Variants in IL17RD observed in about 807,000 individuals in gnomAD.
The protein encoded by IL17RD is interleukin 17 receptor D, also known as interleukin-17 receptor D.
Under a neutral mutation model 80.5 loss-of-function variants are expected in IL17RD, and 52 were observed. The observed-to-expected ratio is 0.65, with a 90% confidence interval of 0.52 to 0.81. IL17RD has a LOEUF of 0.81. Ranked by LOEUF, IL17RD falls within the 40% of genes least tolerant of loss-of-function variation. The pLI is 0.00. For synonymous variants in IL17RD, 416 were observed against 391.8 expected, an observed-to-expected ratio of 1.06 and a Z score of -0.73; for missense variants, 1,024 against 955.1, an observed-to-expected ratio of 1.07 and a Z score of -0.95.
At chr3:57,161,897 T>C (rs531650423) in intron 1 of IL17RD, among the ~76,000 whole-genome samples, 5 of 152,388 alleles carry the variant, frequency 3.3e-5, no homozygotes, top group Admixed American at 2.6e-4. Flanking sequence ...ACAGTATTTA[T>C]TACTCAAAGA....
chr3:57,151,892 C>T (rs1356414986), intron 1 of IL17RD, among the ~76,000 whole-genome samples: 2 of 152,092 alleles, frequency 1.3e-5, no homozygotes, highest in Non-Finnish European at 2.9e-5. Flanking sequence ...AAGAAATCCC[C>T]CAAATTCCCC....
chr3:57,134,641 C>T, intron 1 of IL17RD: 8 of 776,974 alleles, frequency 1.0e-5, no homozygotes, highest in Non-Finnish European at 1.9e-5. Flanking sequence ...ACCAAGGAAG[C>T]ACGCAAGCAC....
At chr3:57,120,774 T>C (rs543278631) in intron 1 of IL17RD, among the ~76,000 whole-genome samples, 1 of 152,340 alleles carries the variant, frequency 6.6e-6, no homozygotes, top group East Asian at 1.9e-4. Context: ...TGGTTTCTCA[T>C]TTCAAGACTG....
intron 1 of IL17RD, among the ~76,000 whole-genome samples, chr3:57,140,085 C>G (rs1340374688): frequency 1.3e-5 from 2 of 152,122 alleles, no homozygotes; most frequent in Admixed American, 1.3e-4. Flanking sequence ...GATACCGAGC[C>G]GGGCACCTTA....
intron 1 of IL17RD, among the ~76,000 whole-genome samples, chr3:57,163,377 AGAG>A (rs1233893588): frequency 1.3e-5 from 2 of 152,202 alleles, no homozygotes; most frequent in South Asian, 2.1e-4. Flanking sequence ...CAGGTTTGGG[AGAG>A]GAGAACACAC....
rs766646872 is a variant in IL17RD, at chr3:57,146,045, G to GCGCACACACA, written c.126+19115_126+19116insTGTGTGTGCG. Among the ~76,000 whole-genome samples the GCGCACACACA allele has an allele frequency of 2.0e-5, 3 of 151,246 alleles. No individual in the cohort carries two copies. The East Asian group carries it at 5.9e-4, about 30-fold the overall frequency. Reference sequence around the variant, plus strand: ...CACACACACTCACGCGCGCGCGCGCGCACACACACACACACTGATGCATGC... The same window carrying GCGCACACACA: ...CACACACACTCACGCGCGCGCGCGCGCGCACACACACACACACACACACACTGATGCATGC... On this transcript the variant is annotated intron_variant, in intron 1 of 12. Transcript: ENST00000296318.
intron 11 of IL17RD, among the ~76,000 whole-genome samples, chr3:57,100,181 T>C (rs1021232871): frequency 2.6e-5 from 4 of 152,244 alleles, no homozygotes; most frequent in Non-Finnish European, 5.9e-5. Flanking sequence ...ATCTGAAAAC[T>C]GTGTGCCATT....
At chr3:57,147,269 A>C (rs1436721228) in intron 1 of IL17RD, among the ~76,000 whole-genome samples, 1 of 152,216 alleles carries the variant, frequency 6.6e-6, no homozygotes, top group Non-Finnish European at 1.5e-5. Context: ...TCTTGCTTAC[A>C]TCTTAAAACA....
intron 1 of IL17RD, among the ~76,000 whole-genome samples, chr3:57,160,467 C>T (rs1197476913): frequency 6.6e-6 from 1 of 152,084 alleles, no homozygotes; most frequent in African/African-American, 2.4e-5. Context: ...CAGACAAACC[C>T]AGCTGTTCTA....
rs1297307822 is a variant in IL17RD at position 57,109,437 on chromosome 3, G to T, written c.550+100C>A. The stretch of plus-strand genomic sequence containing the variant: ...TGGGATTAGAGGTGTGAGCCACCGC[G>T]CCCGGCCTTGGCACGTTCTTGAACA... On this transcript the variant is annotated intron_variant, in intron 5 of 12. Coordinates refer to ENST00000296318, the MANE Select transcript of IL17RD (RefSeq NM_017563.5). 4 of 1,349,152 alleles carry T rather than the reference G, an allele frequency of 3.0e-6. No individual in the cohort carries two copies. The East Asian group carries it at 7.2e-5, about 24-fold the overall frequency. 83.6% of individuals were successfully genotyped at this position (1,349,152 alleles called of 1,614,324 possible). A position where few individuals can be genotyped will look rare whatever the true frequency, so the allele number is the denominator to read the frequency against.
At chr3:57,138,985 C>CT (rs984979082) in intron 1 of IL17RD, among the ~76,000 whole-genome samples, 1 of 144,224 alleles carries the variant, frequency 6.9e-6, no homozygotes, top group African/African-American at 2.5e-5. Flanking sequence ...GAAAGAGGGT[C>CT]TTTTTTTAAA....
intron 1 of IL17RD, among the ~76,000 whole-genome samples, chr3:57,159,494 C>A (rs775495037): frequency 2.0e-5 from 3 of 152,174 alleles, no homozygotes; most frequent in Non-Finnish European, 4.4e-5. Flanking sequence ...CAATGTGTTT[C>A]GGAGGCCATC....
intron 1 of IL17RD, 73 bp from the exon 2 acceptor site, chr3:57,120,386 C>A: frequency 1.9e-6 from 2 of 1,043,080 alleles, no homozygotes; most frequent in Non-Finnish European, 1.5e-6. Flanking sequence ...CCATGGAGTC[C>A]AAATGCAAGC....
chr3:57,162,416 G>A (rs1418788324), intron 1 of IL17RD, among the ~76,000 whole-genome samples: 1 of 152,180 alleles, frequency 6.6e-6, no homozygotes, highest in African/African-American at 2.4e-5. Context: ...TTAGAGCTGA[G>A]GCCAACATCT....
At position 57,149,248 on chromosome 3, in the gene IL17RD, A is replaced by G. The variant is rs13321803; in HGVS notation, c.126+15913T>C. Reference sequence around the variant, plus strand: ...GAGGTGGAAGTTGAAGTGAGCTGAAATCACGCCATTACATTCCAGCCTGGG... The same window carrying G: ...GAGGTGGAAGTTGAAGTGAGCTGAAGTCACGCCATTACATTCCAGCCTGGG... On this transcript the variant is annotated intron_variant, in intron 1 of 12. Coordinates refer to ENST00000296318, the MANE Select transcript of IL17RD (RefSeq NM_017563.5). Among the ~76,000 whole-genome samples, 70 of 151,508 alleles carry G rather than the reference A, an allele frequency of 4.6e-4. 3 individuals are homozygous for G. The highest frequency in any genetic ancestry group is 6.9e-3 in the Middle Eastern group (2 of 288).
At position 57,127,293 on chromosome 3, in the gene IL17RD, TAAATATATATAAAAATATATAA is replaced by T. The variant is rs1559476959; in HGVS notation, c.127-7002_127-6981del. On this transcript the variant is annotated intron_variant, in intron 1 of 12. Transcript: ENST00000296318. ...ATATAAAAATATATATAAATATATA[TAAATATATATAAAAATATATAA>T]AAATATATATAAATATATATAAAAA... is the stretch of plus-strand genomic sequence containing the variant. Among the ~76,000 whole-genome samples, 33 of 93,336 alleles carry T rather than the reference TAAATATATATAAAAATATATAA, an allele frequency of 3.5e-4. 1 individual carries two copies. The highest frequency in any genetic ancestry group is 8.4e-4 in the South Asian group (3 of 3,586). 61.2% of individuals were successfully genotyped at this position (93,336 alleles called of 152,430 possible). A position where few individuals can be genotyped will look rare whatever the true frequency, so the allele number is the denominator to read the frequency against.
chr3:57,130,442 C>T (rs1244367255), intron 1 of IL17RD, among the ~76,000 whole-genome samples: 1 of 152,226 alleles, frequency 6.6e-6, no homozygotes, highest in African/African-American at 2.4e-5. Flanking sequence ...CCAGCTGGTT[C>T]TCTCTGTCCT....
chr3:57,111,069 G>A (rs758323474), intron 3 of IL17RD, among the ~76,000 whole-genome samples: 11 of 152,222 alleles, frequency 7.2e-5, no homozygotes, highest in Admixed American at 2.6e-4. Context: ...GCCAGCACCG[G>A]GTTTGTGTAT....
chr3:57,109,503 C>T (rs1434558227), intron 5 of IL17RD, 34 bp downstream of exon 5: 1 of 1,593,526 alleles, frequency 6.3e-7, no homozygotes, highest in African/African-American at 1.4e-5. Flanking sequence ...GAAAAGTCTT[C>T]TCATGGGAAC....
Sources: allele counts gnomAD v4.1 joint callset (sites outside exome capture counted in the v4.1 genomes callset), GRCh38; gene constraint gnomAD v4.1.1; transcripts MANE v1.5; gene names NCBI Gene and HGNC (gene_info 2026-07-23, HGNC 2026-07-21).